Variants in PREP observed in about 807,000 individuals in gnomAD.
PREP encodes prolyl endopeptidase, also known as dJ355L5.1 (prolyl endopeptidase).
In PREP, 29 loss-of-function variants were observed where a neutral mutation model predicts 87.6. The ratio of observed to expected loss-of-function variants is 0.33; its 90% CI spans 0.25 to 0.45. The LOEUF (loss-of-function observed/expected upper bound fraction) is 0.45, where lower values mean the gene tolerates loss of function less well. Among genes scored for constraint, PREP ranks in the 20% least tolerant of loss-of-function variants. The probability of loss-of-function intolerance (pLI) is 1.00; values close to 1 mark genes in which losing one functional copy is unlikely to be tolerated. For missense variants in PREP, 695 were observed against 886.5 expected (o/e 0.78, Z 2.74); for synonymous variants, 337 against 328.6 (o/e 1.03, Z -0.28).
rs1002370458 is a variant in PREP at position 105,361,060 on chromosome 6, T to C, written c.717+7843A>G. On this transcript the variant is annotated intron_variant, in intron 6 of 14. Coordinates refer to ENST00000652536, the MANE Select transcript of PREP (RefSeq NM_002726.5). ...GAATTCTCTGGAAAATGGGTATATA[T>C]TTTAAACAATAAACCTATATTATTA... is the stretch of plus-strand genomic sequence containing the variant. Among the ~76,000 whole-genome samples the C allele has an allele frequency of 3.3e-5, 5 of 152,210 alleles. No individual in the cohort carries two copies. The South Asian group carries it at 8.3e-4, about 25-fold the overall frequency.
intron 3 of PREP, among the ~76,000 whole-genome samples, chr6:105,377,115 A>T (rs1351119197): frequency 6.6e-6 from 1 of 152,216 alleles, no homozygotes; most frequent in East Asian, 1.9e-4. Context: ...GAATCATCCT[A>T]TCTCACCAAT....
chr6:105,299,815 C>T (rs562683439), intron 10 of PREP, among the ~76,000 whole-genome samples: 1 of 152,140 alleles, frequency 6.6e-6, no homozygotes, highest in South Asian at 2.1e-4. Flanking sequence ...TTTCTTCTTC[C>T]CCAAGACAAT....
Position 105,285,478 on chromosome 6 carries a change from C to G in PREP, c.1549+8G>C, listed in dbSNP as rs1179654825. On this transcript the variant is annotated splice_region_variant and intron_variant, in intron 12 of 14. Transcript: ENST00000652536. Reference sequence around the variant, plus strand: ...CAGACTTGTGTTTCTGTAGAGAAAACACCTCACCTTTATGCCACGTCTCTC... The same window carrying G: ...CAGACTTGTGTTTCTGTAGAGAAAAGACCTCACCTTTATGCCACGTCTCTC... 1 of 1,607,230 alleles carries G rather than the reference C, an allele frequency of 6.2e-7. No homozygotes were observed. Among genetic ancestry groups the G allele is most frequent in the African/African-American group, 1.3e-5 (1 of 74,854 alleles).
chr6:105,348,247 T>C (rs1771849989), intron 7 of PREP, among the ~76,000 whole-genome samples: 1 of 152,084 alleles, frequency 6.6e-6, no homozygotes, highest in African/African-American at 2.4e-5. Flanking sequence ...AGGACAAAAA[T>C]TTAATGAAAA....
At chr6:105,354,409 C>G (rs1021952644) in intron 6 of PREP, among the ~76,000 whole-genome samples, 2 of 152,078 alleles carry the variant, frequency 1.3e-5, no homozygotes, top group Non-Finnish European at 2.9e-5. Context: ...TTAGCAATAC[C>G]GTATGAGAGT....
chr6:105,371,544 A>T (rs1458516990), intron 5 of PREP, among the ~76,000 whole-genome samples: 1 of 151,190 alleles, frequency 6.6e-6, no homozygotes, highest in South Asian at 2.1e-4. Flanking sequence ...CATTGGTTGA[A>T]TATCAAACTG....
At chr6:105,340,455 T>C (rs1259826617) in intron 7 of PREP, among the ~76,000 whole-genome samples, 1 of 152,132 alleles carries the variant, frequency 6.6e-6, no homozygotes. Flanking sequence ...ATTGTAAAGA[T>C]CATTGATATT....
intron 7 of PREP, among the ~76,000 whole-genome samples, chr6:105,344,745 G>A (rs924722133): frequency 3.9e-5 from 6 of 152,108 alleles, no homozygotes; most frequent in Non-Finnish European, 8.8e-5. Context: ...GAGTTAATGG[G>A]TGCAGCACAC....
At chr6:105,378,426 C>T (rs1018308012) in intron 2 of PREP, among the ~76,000 whole-genome samples, 1 of 152,236 alleles carries the variant, frequency 6.6e-6, no homozygotes, top group Non-Finnish European at 1.5e-5. Context: ...TGCCACTGCA[C>T]TCCAGCCTGG....
Position 105,367,832 on chromosome 6 carries a change from T to C in PREP, c.717+1071A>G, listed in dbSNP as rs141059863. 9.1e-4 allele frequency among the ~76,000 whole-genome samples: 139 copies of C among 152,316 alleles called. 2 individuals are homozygous for C. The East Asian group carries it at 0.017, about 19-fold the overall frequency. The stretch of plus-strand genomic sequence containing the variant: ...TGAGCCATACGGACTTCTGTGGCAA[T>C]TACTCAACTCTGCAGTTCTAATTTG... On this transcript the variant is annotated intron_variant, in intron 6 of 14. Coordinates refer to ENST00000652536, the MANE Select transcript of PREP (RefSeq NM_002726.5).
At chr6:105,300,360 T>G (rs1420188252) in intron 10 of PREP, among the ~76,000 whole-genome samples, 2 of 152,180 alleles carry the variant, frequency 1.3e-5, no homozygotes, top group East Asian at 3.8e-4. Context: ...GACAGATTAT[T>G]AAAACAATAA....
At chr6:105,355,419 T>A (rs923986432) in intron 6 of PREP, among the ~76,000 whole-genome samples, 1 of 152,206 alleles carries the variant, frequency 6.6e-6, no homozygotes, top group Non-Finnish European at 1.5e-5. Context: ...TAAGAAGGCA[T>A]CTTTCCACTG....
rs113052759 is a variant in PREP, at chr6:105,355,352, G to A, written c.718-2275C>T. On this transcript the variant is annotated intron_variant, in intron 6 of 14. Transcript: ENST00000652536. Reference sequence around the variant, plus strand: ...TCCACCCATCTTGGCCTCCCAAAGTGCCACTGCGCCCAGCCAAGGCTGTAG... The same window carrying A: ...TCCACCCATCTTGGCCTCCCAAAGTACCACTGCGCCCAGCCAAGGCTGTAG... 6.6e-4 allele frequency among the ~76,000 whole-genome samples: 100 copies of A among 152,284 alleles called. 1 individual carries two copies. Among genetic ancestry groups the A allele is most frequent in the African/African-American group, 2.3e-3 (96 of 41,556 alleles).
intron 2 of PREP, among the ~76,000 whole-genome samples, chr6:105,392,525 C>T (rs376134322): frequency 2.0e-5 from 3 of 152,092 alleles, no homozygotes; most frequent in South Asian, 2.1e-4. Flanking sequence ...TTACTTTTGG[C>T]GTTTAGTTTG....
chr6:105,369,145 C>A, intron 5 of PREP, 121 bp from the exon 6 acceptor site: 1 of 984,974 alleles, frequency 1.0e-6, no homozygotes, highest in South Asian at 1.9e-5. Flanking sequence ...ACAAGGTTAA[C>A]ATACAGAAAT....
In PREP at chr6:105,277,310, T is replaced by C. The variant is rs984900239; in HGVS notation, c.*834A>G. On this transcript the variant is annotated 3_prime_UTR_variant, in exon 15 of 15. Coordinates refer to ENST00000652536, the MANE Select transcript of PREP (RefSeq NM_002726.5). ...TCTGTTTGTTTGGATAATTTACTCA[T>C]GTGATCTCTTGGAACCAAGGATCCT... is the stretch of plus-strand genomic sequence containing the variant. Among the ~76,000 whole-genome samples, 1 of 152,196 alleles carries C rather than the reference T, an allele frequency of 6.6e-6. No homozygotes were observed. Among genetic ancestry groups the C allele is most frequent in the Non-Finnish European group, 1.5e-5 (1 of 68,032 alleles).
intron 9 of PREP, among the ~76,000 whole-genome samples, chr6:105,327,772 A>G (rs1458519509): frequency 6.6e-6 from 1 of 152,244 alleles, no homozygotes; most frequent in African/African-American, 2.4e-5. Flanking sequence ...AGGAAAGTGC[A>G]GACTTTTTTC....
intron 10 of PREP, among the ~76,000 whole-genome samples, chr6:105,305,506 C>T (rs1191524357): frequency 6.6e-6 from 1 of 151,894 alleles, no homozygotes; most frequent in African/African-American, 2.4e-5. Flanking sequence ...GGCGGTATCA[C>T]AAATAGCTAC....
At chr6:105,302,495 C>A (rs889744744) in intron 10 of PREP, 6 of 358,922 alleles carry the variant, frequency 1.7e-5, no homozygotes, top group Non-Finnish European at 3.3e-5. Context: ...ACGGCCGCTC[C>A]TTCCGCGGCT....
Sources: allele counts gnomAD v4.1 joint callset (sites outside exome capture counted in the v4.1 genomes callset), GRCh38; gene constraint gnomAD v4.1.1; transcripts MANE v1.5; gene names NCBI Gene and HGNC (gene_info 2026-07-23, HGNC 2026-07-21).